The following FAM228B variants were observed in gnomAD, a reference collection of about 807,000 sequenced individuals.
The protein encoded by FAM228B is protein FAM228B.
A neutral mutation model predicts 42.6 loss-of-function variants in FAM228B; 38 were observed. The ratio of observed to expected loss-of-function variants is 0.89; its 90% CI spans 0.69 to 1.17. The LOEUF is 1.17. Ranked by LOEUF, FAM228B falls within the 50% of genes most tolerant of loss-of-function variation. FAM228B has a pLI of 0.00. For synonymous variants in FAM228B, 109 were observed against 122.3 expected (o/e 0.89, Z 0.72); for missense variants, 344 against 367.3 (o/e 0.94, Z 0.52).
intron 7 of FAM228B, among the ~76,000 whole-genome samples, chr2:24,150,437 A>AT (rs1193197294): frequency 2.0e-5 from 3 of 150,902 alleles, no homozygotes; most frequent in South Asian, 4.2e-4. Flanking sequence ...TTTTATTATT[A>AT]TTTTTTTGAG....
intron 3 of FAM228B, chr2:24,097,306 C>T (rs956645610): frequency 3.9e-5 from 6 of 151,928 alleles, no homozygotes; most frequent in African/African-American, 1.2e-4. Context: ...GGGCTAAATG[C>T]CCCAATTAAA....
chr2:24,122,354 C>A (rs561856131), upstream of FAM228B: 12 of 1,191,704 alleles, frequency 1.0e-5, no homozygotes, highest in African/African-American at 1.4e-4. Context: ...ATGTCTGCTT[C>A]ATTTTTTGGA....
chr2:24,080,011 A>G lies in FAM228B; in HGVS notation c.-289-865A>G, dbSNP rs1476393884. Among the ~76,000 whole-genome samples the G allele has an allele frequency of 1.3e-5, 2 of 152,178 alleles. No homozygotes were observed. The highest frequency in any genetic ancestry group is 2.9e-5 in the Non-Finnish European group (2 of 68,030). ...AGTTAGGAAGTGTCCGCACTAGGTT[A>G]TTGGAATCATAGGCTTTCTAGCTTT... On this transcript the variant is annotated intron_variant, in intron 1 of 10. Coordinates refer to the FAM228B transcript ENST00000613899. This position sits in a 1 kb window ranked among gnomAD's most constrained non-coding sequence, Gnocchi z 4.7.
Position 24,130,051 on chromosome 2 carries a change from G to A in FAM228B, c.100-5068G>A, listed in dbSNP as rs1227782522. Reference sequence around the variant, plus strand: ...TTGTTCAGCTCCCAGTTATGAGTGAGAACATGCGGTGTTTGGTTTTCTGGT... The same window carrying A: ...TTGTTCAGCTCCCAGTTATGAGTGAAAACATGCGGTGTTTGGTTTTCTGGT... On this transcript the variant is annotated intron_variant, in intron 2 of 10. Transcript: ENST00000615575. Among the ~76,000 whole-genome samples the A allele has an allele frequency of 4.6e-5, 7 of 152,188 alleles. No individual in the cohort carries two copies. In the East Asian group the frequency reaches 1.3e-3, roughly 29 times the overall value.
intron 3 of FAM228B, among the ~76,000 whole-genome samples, chr2:24,103,240 G>A (rs1665640965): frequency 6.6e-6 from 1 of 152,190 alleles, no homozygotes; most frequent in African/African-American, 2.4e-5. Context: ...TTGTATACTG[G>A]GTGAAGGGAG....
chr2:24,120,470 G>A (rs898247252), upstream of FAM228B, among the ~76,000 whole-genome samples: 2 of 152,190 alleles, frequency 1.3e-5, no homozygotes, highest in African/African-American at 4.8e-5. Flanking sequence ...TGTGGATGAA[G>A]CAGCATGCCT....
upstream of FAM228B, chr2:24,119,733 C>T (rs745315103): frequency 1.4e-6 from 2 of 1,393,302 alleles, no homozygotes; most frequent in Non-Finnish European, 2.0e-6. Context: ...AATCACAGGA[C>T]CAGTGGTCAT....
chr2:24,080,510 CCTGTTAACTAAGTGTGGAATG>C lies in FAM228B; in HGVS notation c.-289-365_-289-345del, dbSNP rs1664951512. 6.6e-6 allele frequency among the ~76,000 whole-genome samples: 1 copy of C among 152,184 alleles called. No individual in the cohort carries two copies. The highest frequency in any genetic ancestry group is 2.4e-5 in the African/African-American group (1 of 41,440). On this transcript the variant is annotated intron_variant, in intron 1 of 10. Coordinates refer to the FAM228B transcript ENST00000613899. This position sits in a 1 kb window ranked among gnomAD's most constrained non-coding sequence, Gnocchi z 4.7. ...CAAACTGGTCTCTGCCTCCAAGCCT[CCTGTTAACTAAGTGTGGAATG>C]GCTGGTTGGGAAGAAAAGGTGCTGG...
chr2:24,131,093 C>T (rs1573763366), intron 2 of FAM228B, among the ~76,000 whole-genome samples: 2 of 152,118 alleles, frequency 1.3e-5, no homozygotes, highest in Middle Eastern at 6.8e-3. Flanking sequence ...GAATCTTTTC[C>T]CCATTGCTTG....
At chr2:24,157,905 T>C (rs78052151) in intron 7 of FAM228B, among the ~76,000 whole-genome samples, 2 of 152,128 alleles carry the variant, frequency 1.3e-5, no homozygotes, top group Non-Finnish European at 2.9e-5. Flanking sequence ...ATTCAGAAAC[T>C]GAACTAAGGT....
intron 3 of FAM228B, among the ~76,000 whole-genome samples, chr2:24,104,191 G>A (rs1665662477): frequency 6.6e-6 from 1 of 152,176 alleles, no homozygotes; most frequent in Admixed American, 6.5e-5. Flanking sequence ...GTGAGTGAGT[G>A]AGAGCCCCCA....
intron 1 of FAM228B, among the ~76,000 whole-genome samples, chr2:24,123,882 C>T (rs142759883): frequency 6.6e-6 from 1 of 152,196 alleles, no homozygotes; most frequent in East Asian, 1.9e-4. Flanking sequence ...TCGGGGAGGA[C>T]TTCGAGCCGC....
intron 3 of FAM228B, among the ~76,000 whole-genome samples, chr2:24,109,625 A>G (rs1665756025): frequency 1.3e-5 from 2 of 152,268 alleles, no homozygotes; most frequent in South Asian, 4.1e-4. Context: ...AAGTGGGCAA[A>G]GAACATGAAC....
At chr2:24,148,134 C>T (rs570509058) in intron 7 of FAM228B, among the ~76,000 whole-genome samples, 1 of 152,130 alleles carries the variant, frequency 6.6e-6, no homozygotes, top group South Asian at 2.1e-4. Flanking sequence ...GGCTTGAATA[C>T]CTCCAGTGGT....
upstream of FAM228B, among the ~76,000 whole-genome samples, chr2:24,120,888 T>TA (rs1452586957): frequency 6.8e-6 from 1 of 147,636 alleles, no homozygotes. Context: ...TTTTTTTTTT[T>TA]AAAGGAGGAT....
At chr2:24,135,263 TA>T in intron 3 of FAM228B, 76 bp downstream of exon 3, 1 of 791,154 alleles carries the variant, frequency 1.3e-6, no homozygotes, top group East Asian at 2.9e-5. Context: ...GCATATTCTA[TA>T]AAAACTATTT....
At chr2:24,156,771 TCCG>T (rs1314919032) in intron 7 of FAM228B, among the ~76,000 whole-genome samples, 4,610 of 132,362 alleles carry the variant, frequency 0.035, 161 homozygotes, top group South Asian at 0.075. Flanking sequence ...TACATTTCTT[TCCG>T]CCCCCCCCCC....
At chr2:24,098,588 G>A (rs997189804) in intron 3 of FAM228B, among the ~76,000 whole-genome samples, 3 of 152,202 alleles carry the variant, frequency 2.0e-5, no homozygotes, top group Non-Finnish European at 4.4e-5. Flanking sequence ...CCAGGAAGAA[G>A]TTGAACCTCT....
chr2:24,108,064 T>C (rs1389862550), intron 3 of FAM228B, among the ~76,000 whole-genome samples: 1 of 152,050 alleles, frequency 6.6e-6, no homozygotes, highest in East Asian at 1.9e-4. Flanking sequence ...AAGATCCAAA[T>C]AAATACAATT....
Sources: gnomAD v4.1 joint callset for allele counts (sites outside exome capture counted in the v4.1 genomes callset) on GRCh38, gnomAD v4.1.1 for gene constraint, Gnocchi (gnomAD v3.1) non-coding constraint, MANE v1.5 for transcripts, NCBI Gene and HGNC (gene_info 2026-07-23, HGNC 2026-07-21) for gene names.